ADGRL3: variants seen among roughly 807,000 people sequenced by gnomAD.
ADGRL3 encodes the protein calcium-independent alpha-latrotoxin receptor 3.
A neutral mutation model predicts 153.5 loss-of-function variants in ADGRL3; 62 were observed. The observed-to-expected ratio is 0.40, with a 90% CI of 0.33 to 0.50. The LOEUF (loss-of-function observed/expected upper bound fraction) is 0.50. Among genes scored for constraint, ADGRL3 ranks in the 20% least tolerant of loss-of-function variants. The probability of loss-of-function intolerance (pLI) is 0.47; values close to 1 mark genes in which losing one functional copy is unlikely to be tolerated. For synonymous variants in ADGRL3, 710 were observed against 672.5 expected, an observed-to-expected ratio of 1.06 and a Z score of -0.86; for missense variants, 1,641 against 1,859.4, an observed-to-expected ratio of 0.88 and a Z score of 2.16.
chr4:61,657,278 A>G (rs764210378), intron 5 of ADGRL3, among the ~76,000 whole-genome samples: 5 of 152,230 alleles, frequency 3.3e-5, no homozygotes, highest in Non-Finnish European at 5.9e-5. Context: ...AGAAGGAAAC[A>G]GCCACCTTCT....
intron 19 of ADGRL3, among the ~76,000 whole-genome samples, chr4:61,992,035 A>C (rs2150986637): frequency 6.6e-6 from 1 of 151,556 alleles, no homozygotes. Context: ...TTATAAATAT[A>C]ATGTATAGAT....
At chr4:61,967,241 A>G (rs1365531280) in intron 17 of ADGRL3, among the ~76,000 whole-genome samples, 4 of 152,012 alleles carry the variant, frequency 2.6e-5, no homozygotes, top group South Asian at 2.1e-4. Flanking sequence ...AGGCTATATT[A>G]TTGTGCATTT....
chr4:61,848,182 C>A (rs1272070668), intron 9 of ADGRL3, among the ~76,000 whole-genome samples: 1 of 138,854 alleles, frequency 7.2e-6, no homozygotes, highest in East Asian at 2.1e-4. Flanking sequence ...TTCAATTTTG[C>A]TTTGTAAACG....
intron 2 of ADGRL3, among the ~76,000 whole-genome samples, chr4:61,445,530 TAG>T (rs2097572975): frequency 6.6e-6 from 1 of 152,162 alleles, no homozygotes; most frequent in African/African-American, 2.4e-5. Flanking sequence ...AGTGTTGACT[TAG>T]AGATAAGTGG....
chr4:61,295,181 G>T (rs75725505), intron 1 of ADGRL3, among the ~76,000 whole-genome samples: 2,683 of 152,012 alleles, frequency 0.018, 67 homozygotes, highest in African/African-American at 0.058. Flanking sequence ...CTTAGTGGCC[G>T]TCTCCATTAT....
rs188929150 is a variant in ADGRL3 at position 62,004,004 on chromosome 4, A to G, written c.3395+5739A>G. 4.6e-5 allele frequency among the ~76,000 whole-genome samples: 7 copies of G among 152,212 alleles called. No individual in the cohort carries two copies. The East Asian group carries it at 1.4e-3, about 29-fold the overall frequency. ...TTACCAGTACCCATAATAACTTATT[A>G]TATTTCTTAAGAAGGTAACCTTTAC... On this transcript the variant is annotated intron_variant, in intron 21 of 26. Coordinates refer to ENST00000683033, the MANE Select transcript of ADGRL3 (RefSeq NM_001387552.1).
intron 1 of ADGRL3, among the ~76,000 whole-genome samples, chr4:61,342,175 T>G (rs555315449): frequency 6.6e-6 from 1 of 152,274 alleles, no homozygotes; most frequent in East Asian, 1.9e-4. Flanking sequence ...GCTGAGGGTT[T>G]TTTATGATTC....
At chr4:61,740,749 C>T (rs1427977030) in intron 8 of ADGRL3, among the ~76,000 whole-genome samples, 1 of 152,182 alleles carries the variant, frequency 6.6e-6, no homozygotes, top group African/African-American at 2.4e-5. Flanking sequence ...GTGAAAAACA[C>T]ATCCAGCAAT....
intron 10 of ADGRL3, among the ~76,000 whole-genome samples, chr4:61,895,408 G>A (rs78330276): frequency 2.0e-5 from 3 of 151,984 alleles, no homozygotes. Context: ...AGAGGTTGCG[G>A]TGAGCCGAGA....
At chr4:61,507,220 T>C (rs762646629) in intron 3 of ADGRL3, among the ~76,000 whole-genome samples, 1 of 152,108 alleles carries the variant, frequency 6.6e-6, no homozygotes, top group East Asian at 1.9e-4. Context: ...AAATAATGCA[T>C]AAAATTTAAA....
chr4:61,332,397 A>G (rs1335291293), intron 1 of ADGRL3, among the ~76,000 whole-genome samples: 1 of 152,186 alleles, frequency 6.6e-6, no homozygotes, highest in Non-Finnish European at 1.5e-5. Context: ...CAGTTCTAAT[A>G]CAAATATGCC....
At chr4:61,228,937 C>A (rs776285820) in intron 1 of ADGRL3, among the ~76,000 whole-genome samples, 7 of 152,212 alleles carry the variant, frequency 4.6e-5, no homozygotes, top group Non-Finnish European at 7.3e-5. Flanking sequence ...AGCAATCTAT[C>A]CGCCTCAACC....
chr4:61,297,052 T>A (rs547523012), intron 1 of ADGRL3, among the ~76,000 whole-genome samples: 1 of 152,170 alleles, frequency 6.6e-6, no homozygotes, highest in African/African-American at 2.4e-5. Context: ...AAATAGTAGA[T>A]CAATGTGTAG....
chr4:61,286,798 A>G (rs1345831469), intron 1 of ADGRL3, among the ~76,000 whole-genome samples: 1 of 151,734 alleles, frequency 6.6e-6, no homozygotes, highest in Non-Finnish European at 1.5e-5. Flanking sequence ...GGGACCACAC[A>G]CACAATTTCT....
intron 25 of ADGRL3, among the ~76,000 whole-genome samples, chr4:62,059,990 A>C (rs962541191): frequency 6.6e-6 from 1 of 152,124 alleles, no homozygotes; most frequent in Non-Finnish European, 1.5e-5. Flanking sequence ...TTATTTTTAA[A>C]ATCTTTGATA....
intron 5 of ADGRL3, among the ~76,000 whole-genome samples, chr4:61,664,815 G>A (rs1272920587): frequency 1.3e-5 from 2 of 152,066 alleles, no homozygotes; most frequent in Non-Finnish European, 1.5e-5. Flanking sequence ...TTAGACAGGG[G>A]AACTTGAGAG....
intron 4 of ADGRL3, among the ~76,000 whole-genome samples, chr4:61,525,385 CCAA>C (rs943843603): frequency 6.6e-6 from 1 of 151,926 alleles, no homozygotes; most frequent in Non-Finnish European, 1.5e-5. Flanking sequence ...TCTAATTTAA[CCAA>C]CAACAAGAAC....
chr4:61,491,057 G>A (rs2152780073), intron 2 of ADGRL3, among the ~76,000 whole-genome samples: 3 of 152,232 alleles, frequency 2.0e-5, no homozygotes, highest in East Asian at 3.9e-4. Flanking sequence ...ATAGGATGGT[G>A]ATGGAAAGAA....
At chr4:61,966,257 C>T (rs1173100492) in intron 17 of ADGRL3, among the ~76,000 whole-genome samples, 1 of 152,084 alleles carries the variant, frequency 6.6e-6, no homozygotes, top group Non-Finnish European at 1.5e-5. Context: ...TAGAATGAAT[C>T]TACCAAAATT....
Sources: gnomAD v4.1 joint callset for allele counts (sites outside exome capture counted in the v4.1 genomes callset) on GRCh38, gnomAD v4.1.1 for gene constraint, MANE v1.5 for transcripts, NCBI Gene and HGNC (gene_info 2026-07-23, HGNC 2026-07-21) for gene names.